The following PLCB1 variants were observed in gnomAD, a reference collection of about 807,000 sequenced individuals.
The protein encoded by PLCB1 is 1-phosphatidylinositol 4,5-bisphosphate phosphodiesterase beta-1.
Under a neutral mutation model 161.8 loss-of-function variants are expected in PLCB1, and 46 were observed. The ratio of observed to expected loss-of-function variants is 0.28; its 90% confidence interval spans 0.22 to 0.36. The LOEUF is 0.36. PLCB1 is among the 10% of genes least tolerant of loss of function. The probability of loss-of-function intolerance (pLI) is 1.00; values close to 1 mark genes in which losing one functional copy is unlikely to be tolerated. For missense variants in PLCB1, 1,016 were observed against 1,472.5 expected (o/e 0.69, Z 5.07); for synonymous variants, 517 against 503.7 (o/e 1.03, Z -0.35).
At chr20:8,653,105 T>C (rs2123306138) in intron 7 of PLCB1, 1 of 152,222 alleles carries the variant, frequency 6.6e-6, no homozygotes, top group Middle Eastern at 3.4e-3. Context: ...TATAATAGTC[T>C]TGCCACAGCA....
chr20:8,845,412 A>G (rs1986657044), intron 31 of PLCB1, among the ~76,000 whole-genome samples: 1 of 152,216 alleles, frequency 6.6e-6, no homozygotes, highest in Non-Finnish European at 1.5e-5. Context: ...TTCTTGCCTT[A>G]AAGTAATGCT....
At chr20:8,643,573 ACAAAT>A (rs977752641) in intron 4 of PLCB1, among the ~76,000 whole-genome samples, 2 of 152,174 alleles carry the variant, frequency 1.3e-5, no homozygotes, top group African/African-American at 4.8e-5. Context: ...CAAAAAAAAG[ACAAAT>A]CAAACAAAAG....
intron 3 of PLCB1, among the ~76,000 whole-genome samples, chr20:8,381,928 A>G (rs1987265597): frequency 6.6e-6 from 1 of 151,758 alleles, no homozygotes; most frequent in Non-Finnish European, 1.5e-5. Flanking sequence ...TTTTTTTTGG[A>G]GGGTTTTTCA....
chr20:8,466,617 A>T (rs969702639), intron 3 of PLCB1, among the ~76,000 whole-genome samples: 6 of 152,158 alleles, frequency 3.9e-5, no homozygotes, highest in Admixed American at 3.3e-4. Context: ...CAAAGGCAAC[A>T]TAATGTTCTT....
At chr20:8,602,614 A>G (rs1158531991) in intron 3 of PLCB1, among the ~76,000 whole-genome samples, 2 of 152,194 alleles carry the variant, frequency 1.3e-5, no homozygotes, top group Non-Finnish European at 2.9e-5. Flanking sequence ...TTTAAAGGGC[A>G]AGCAGAGTGA....
chr20:8,646,204 C>T lies in PLCB1; in HGVS notation c.464+23C>T, dbSNP rs184567980. On this transcript the variant is annotated intron_variant, in intron 5 of 31. Coordinates refer to ENST00000338037, the MANE Select transcript of PLCB1 (RefSeq NM_015192.4). ...AGCGTAAGTCACTCTAATTTTATTG[C>T]TAAGGGCGTTGCTTCTTCTGAGTCA... 26 of 1,490,980 alleles carry T rather than the reference C, an allele frequency of 1.7e-5. No individual in the cohort carries two copies. In the East Asian group the frequency reaches 5.4e-4, roughly 31 times the overall value. The allele number at this position is 1,490,980 out of a possible 1,614,324, so 92.4% of individuals were successfully genotyped here.
At position 8,188,450 on chromosome 20, in the gene PLCB1, G is replaced by A. The variant is rs187499114; in HGVS notation, c.177+38079G>A. On this transcript the variant is annotated intron_variant, in intron 2 of 31. Coordinates refer to ENST00000338037, the MANE Select transcript of PLCB1 (RefSeq NM_015192.4). Reference sequence around the variant, plus strand: ...GAAAATAAATAGAAAAAAAATTGGGGTTGGTTACGTGCAAATGCCTTTCCT... The same window carrying A: ...GAAAATAAATAGAAAAAAAATTGGGATTGGTTACGTGCAAATGCCTTTCCT... 1.4e-3 allele frequency among the ~76,000 whole-genome samples: 207 copies of A among 152,176 alleles called. 2 individuals carry two copies. The highest frequency in any genetic ancestry group is 1.6e-4 in the Non-Finnish European group (11 of 67,994).
intron 2 of PLCB1, among the ~76,000 whole-genome samples, chr20:8,235,703 C>T (rs6055687): frequency 0.073 from 11,041 of 152,080 alleles, 1,322 homozygotes; most frequent in African/African-American, 0.25. Context: ...TATGAGATGA[C>T]TGTCTACCCT....
At chr20:8,758,270 A>G (rs1981841025) in intron 24 of PLCB1, among the ~76,000 whole-genome samples, 2 of 151,702 alleles carry the variant, frequency 1.3e-5, no homozygotes, top group African/African-American at 2.4e-5. Context: ...TGTATCAGAC[A>G]CGCTTGAACT....
chr20:8,197,638 T>A (rs1301180662), intron 2 of PLCB1, among the ~76,000 whole-genome samples: 4 of 152,216 alleles, frequency 2.6e-5, no homozygotes, highest in African/African-American at 4.8e-5. Flanking sequence ...TAGTTTCTTT[T>A]GCTGTGCAGA....
chr20:8,853,883 C>T (rs924534502), intron 31 of PLCB1, among the ~76,000 whole-genome samples: 10 of 152,160 alleles, frequency 6.6e-5, no homozygotes, highest in African/African-American at 1.9e-4. Flanking sequence ...AACAAAGAAG[C>T]GCTGTTCTCC....
chr20:8,812,467 A>G (rs1209959960), intron 31 of PLCB1, among the ~76,000 whole-genome samples: 1 of 152,106 alleles, frequency 6.6e-6, no homozygotes, highest in Non-Finnish European at 1.5e-5. Flanking sequence ...GGACAAGACA[A>G]AGAGGCTCCC....
intron 2 of PLCB1, among the ~76,000 whole-genome samples, chr20:8,324,492 T>G (rs1257879579): frequency 6.6e-6 from 1 of 152,194 alleles, no homozygotes; most frequent in Non-Finnish European, 1.5e-5. Flanking sequence ...GTATCATAAA[T>G]AGCATACAAA....
chr20:8,352,613 A>G (rs1016946367), intron 2 of PLCB1, among the ~76,000 whole-genome samples: 1 of 152,134 alleles, frequency 6.6e-6, no homozygotes, highest in East Asian at 1.9e-4. Context: ...TATTATAAAT[A>G]TAGACAACAA....
At chr20:8,443,272 A>G (rs6039165) in intron 3 of PLCB1, among the ~76,000 whole-genome samples, 32,836 of 151,898 alleles carry the variant, frequency 0.22, 4,139 homozygotes, top group African/African-American at 0.34. Flanking sequence ...GAGCCACAGC[A>G]CCTGGCCATC....
chr20:8,318,715 A>T (rs958084286), intron 2 of PLCB1, among the ~76,000 whole-genome samples: 5 of 152,130 alleles, frequency 3.3e-5, no homozygotes, highest in African/African-American at 1.2e-4. Context: ...TGACAATATT[A>T]TGTTCCTGGA....
chr20:8,629,951 T>C (rs963485247), intron 4 of PLCB1, among the ~76,000 whole-genome samples: 2 of 131,938 alleles, frequency 1.5e-5, no homozygotes, highest in African/African-American at 6.7e-5. Context: ...TCTCTCTTTC[T>C]TTTCTTTCTT....
intron 2 of PLCB1, among the ~76,000 whole-genome samples, chr20:8,210,047 G>A (rs907691609): frequency 2.6e-5 from 4 of 151,602 alleles, no homozygotes; most frequent in Non-Finnish European, 4.4e-5. Context: ...TATGTTGTCC[G>A]GGCTTGTCTT....
intron 21 of PLCB1, among the ~76,000 whole-genome samples, chr20:8,739,640 A>C (rs1980769180): frequency 6.6e-6 from 1 of 152,204 alleles, no homozygotes; most frequent in Admixed American, 6.5e-5. Context: ...GGTTTGGCTA[A>C]TCTAGCCTGG....
Sources: gnomAD v4.1 joint callset for allele counts (sites outside exome capture counted in the v4.1 genomes callset) on GRCh38, gnomAD v4.1.1 for gene constraint, MANE v1.5 for transcripts, NCBI Gene and HGNC (gene_info 2026-07-23, HGNC 2026-07-21) for gene names.